Variants in CNGB1 observed in about 807,000 individuals in gnomAD.
CNGB1 encodes cyclic nucleotide-gated channel beta-1.
Under a neutral mutation model 151.7 loss-of-function variants are expected in CNGB1, and 126 were observed. That is an observed-to-expected ratio of 0.83 (90% CI 0.72 to 0.96). The LOEUF is 0.96. Ranked by LOEUF, CNGB1 falls within the 40% of genes least tolerant of loss-of-function variation. The pLI is 0.00. For missense variants in CNGB1, 1,698 were observed against 1,627.0 expected, an observed-to-expected ratio of 1.04 and a Z score of -0.75; for synonymous variants, 623 against 635.1, an observed-to-expected ratio of 0.98 and a Z score of 0.29.
intron 4 of CNGB1, 81 bp downstream of exon 4, chr16:57,964,049 C>T (rs1278021012): frequency 5.2e-6 from 7 of 1,354,992 alleles, no homozygotes; most frequent in Non-Finnish European, 7.3e-6. Flanking sequence ...CCCATCCCCA[C>T]CCCCATCCCC....
intron 9 of CNGB1, 85 bp downstream of exon 9, chr16:57,960,396 TG>T: frequency 6.6e-7 from 1 of 1,522,634 alleles, no homozygotes; most frequent in Non-Finnish European, 9.0e-7. Context: ...TAAGGGCCTC[TG>T]GGGGATCCTC....
intron 31 of CNGB1, among the ~76,000 whole-genome samples, chr16:57,894,338 C>A (rs1183914704): frequency 6.6e-6 from 1 of 152,202 alleles, no homozygotes; most frequent in Non-Finnish European, 1.5e-5. Flanking sequence ...TGGTGGCTCA[C>A]ACCTGTAATC....
At chr16:57,951,301 C>G (rs2091948035) in intron 12 of CNGB1, among the ~76,000 whole-genome samples, 1 of 152,148 alleles carries the variant, frequency 6.6e-6, no homozygotes, top group Non-Finnish European at 1.5e-5. Context: ...TAGGTGTCCC[C>G]CGAAAGCTCC....
At chr16:57,904,605 A>G in intron 26 of CNGB1, 129 bp downstream of exon 26, 1 of 1,309,428 alleles carries the variant, frequency 7.6e-7, no homozygotes, top group Non-Finnish European at 1.1e-6. Context: ...CAGGCTCCTG[A>G]CTCTCAGTCT....
intron 12 of CNGB1, among the ~76,000 whole-genome samples, chr16:57,951,315 G>A (rs924160448): frequency 2.0e-5 from 3 of 152,180 alleles, no homozygotes; most frequent in Admixed American, 6.5e-5. Flanking sequence ...AAGCTCCAGG[G>A]ATCTTGGTGG....
At position 57,905,434 on chromosome 16, in the gene CNGB1, G is replaced by A. The variant is rs550068813; in HGVS notation, c.2493-559C>T. On this transcript the variant is annotated intron_variant, in intron 25 of 32. Transcript: ENST00000251102. ...TAGTTGGTAAGTACAAGAGCTGGGC[G>A]CTGTCTGCTTCTCTAAGATGTCATC... 3.7e-4 allele frequency among the ~76,000 whole-genome samples: 57 copies of A among 152,330 alleles called. 2 individuals carry two copies. In the South Asian group the frequency reaches 0.011, roughly 29 times the overall value.
At chr16:57,918,625 T>C (rs1451437815) in intron 20 of CNGB1, among the ~76,000 whole-genome samples, 1 of 152,206 alleles carries the variant, frequency 6.6e-6, no homozygotes, top group Non-Finnish European at 1.5e-5. Flanking sequence ...GTTGCATCTT[T>C]ACCCTGGCTG....
At chr16:57,946,602 TG>T (rs1347636321) in intron 14 of CNGB1, 1 of 152,170 alleles carries the variant, frequency 6.6e-6, no homozygotes, top group Admixed American at 6.6e-5. Flanking sequence ...GGAGGCCAGG[TG>T]GAACCAAAAG....
At chr16:57,903,229 C>T in intron 27 of CNGB1, among the ~76,000 whole-genome samples, 1 of 148,970 alleles carries the variant, frequency 6.7e-6, no homozygotes, top group Non-Finnish European at 1.5e-5. Context: ...TTCGGCCTCA[C>T]ACCTGTAATC....
intron 12 of CNGB1, among the ~76,000 whole-genome samples, chr16:57,953,219 G>A (rs1402918441): frequency 3.3e-5 from 5 of 152,144 alleles, no homozygotes; most frequent in East Asian, 3.9e-4. Context: ...AGCCTCGGTC[G>A]GACACAGTAG....
intron 27 of CNGB1, among the ~76,000 whole-genome samples, chr16:57,902,196 G>C (rs1000121813): frequency 3.3e-5 from 5 of 151,426 alleles, no homozygotes; most frequent in Non-Finnish European, 7.4e-5. Context: ...TCAGCTTCCC[G>C]AGTTGCTGGG....
intron 25 of CNGB1, among the ~76,000 whole-genome samples, chr16:57,909,585 C>T (rs1162917556): frequency 6.6e-6 from 1 of 152,234 alleles, no homozygotes; most frequent in Middle Eastern, 3.4e-3. Flanking sequence ...GATGTGGTTT[C>T]GCCATGTCGA....
chr16:57,915,273 G>A lies in CNGB1; in HGVS notation c.2280C>T (p.Leu760=), dbSNP rs1294783042. ...FLYLKVGVNP[L]LRLPRCLKYM... The stretch of plus-strand genomic sequence containing the variant: ...CCTTTAAACAGCGGGGCAGGCGGAG[G>A]AGGGGGTTCACACCGACTTTCAAAT... Residue 760 remains leucine (L), a synonymous_variant, in exon 23 of 33, where the codon CTC becomes CTT. Transcript: ENST00000251102. The A allele has an allele frequency of 2.5e-6, 4 of 1,614,012 alleles. No individual in the cohort carries two copies. In the Admixed American group the frequency reaches 6.7e-5, roughly 27 times the overall value.
intron 14 of CNGB1, among the ~76,000 whole-genome samples, chr16:57,944,791 T>C (rs993418164): frequency 1.3e-5 from 2 of 151,448 alleles, no homozygotes; most frequent in Non-Finnish European, 2.9e-5. Flanking sequence ...CCGCCTCTAC[T>C]AAAAATACAA....
rs1373569687 is a variant in CNGB1 at position 57,917,483 on chromosome 16, G to T, written c.1958-7C>A. ...CATAGGACATACATCAGGTCTGTGG[G>T]GAAGGTTGACGGGGACGCTAGAGCA... On this transcript the variant is annotated splice_region_variant and splice_polypyrimidine_tract_variant and intron_variant, in intron 20 of 32. Coordinates refer to ENST00000251102, the MANE Select transcript of CNGB1 (RefSeq NM_001297.5). The T allele has an allele frequency of 2.5e-6, 4 of 1,613,844 alleles. No homozygotes were observed. The highest frequency in any genetic ancestry group is 1.7e-4 in the Middle Eastern group (1 of 5,886).
At chr16:57,945,564 C>T (rs1961785855) in intron 14 of CNGB1, among the ~76,000 whole-genome samples, 1 of 152,186 alleles carries the variant, frequency 6.6e-6, no homozygotes, top group South Asian at 2.1e-4. Context: ...ATCAGAAGGG[C>T]CAATGAGAAT....
At chr16:57,922,370 C>T (rs183561919) in intron 18 of CNGB1, among the ~76,000 whole-genome samples, 25 of 152,124 alleles carry the variant, frequency 1.6e-4, no homozygotes, top group Admixed American at 1.6e-3. Context: ...ACAGTTCGAT[C>T]TCAGAGACCC....
At chr16:57,953,218 C>T (rs987944635) in intron 12 of CNGB1, among the ~76,000 whole-genome samples, 3 of 152,172 alleles carry the variant, frequency 2.0e-5, no homozygotes, top group African/African-American at 7.2e-5. Flanking sequence ...CAGCCTCGGT[C>T]GGACACAGTA....
chr16:57,911,622 G>T, intron 25 of CNGB1, 131 bp downstream of exon 25: 1 of 1,283,110 alleles, frequency 7.8e-7, no homozygotes, highest in Non-Finnish European at 1.1e-6. Flanking sequence ...TCATGCCAGT[G>T]ATTGCTTAGG....
Sources: gnomAD v4.1 joint callset for allele counts (sites outside exome capture counted in the v4.1 genomes callset) on GRCh38, gnomAD v4.1.1 for gene constraint, MANE v1.5 for transcripts, NCBI Gene and HGNC (gene_info 2026-07-23, HGNC 2026-07-21) for gene names.